CNTN6: variants seen among roughly 807,000 people sequenced by gnomAD.
CNTN6 encodes contactin 6.
A neutral mutation model predicts 122.8 loss-of-function variants in CNTN6; 137 were observed. That is an observed-to-expected ratio of 1.12 (90% confidence interval 0.97 to 1.29). The LOEUF is 1.29. Ranked by LOEUF, CNTN6 falls within the 50% of genes most tolerant of loss-of-function variation. The probability of loss-of-function intolerance (pLI) is 0.00; values close to 1 mark genes in which losing one functional copy is unlikely to be tolerated. For synonymous variants in CNTN6, 570 were observed against 426.0 expected (o/e 1.34, Z -4.16); for missense variants, 1,634 against 1,223.4 (o/e 1.34, Z -5.01).
intron 7 of CNTN6, among the ~76,000 whole-genome samples, chr3:1,299,806 G>A (rs1018691817): frequency 1.3e-5 from 2 of 152,130 alleles, no homozygotes; most frequent in Admixed American, 6.6e-5. Context: ...GTTAGCAAAC[G>A]TGCTTATAAT....
chr3:1,377,056 A>G lies in CNTN6; in HGVS notation c.2147A>G (p.Glu716Gly). 1 of 1,601,668 alleles carries G rather than the reference A, an allele frequency of 6.2e-7. No individual in the cohort carries two copies. Among genetic ancestry groups the G allele is most frequent in the Non-Finnish European group, 8.5e-7 (1 of 1,173,366 alleles). Residue 716 changes from glutamate to glycine, a missense_variant, in exon 17 of 23, where the codon GAA becomes GGA. Coordinates refer to ENST00000446702, the MANE Select transcript of CNTN6 (RefSeq NM_001289080.2). The part of the protein sequence containing the change: ...NIHGGGGSRS[E>G]LVITWESIPE... ...CATGGAGGTGGAGGAAGTCGGTCTG[A>G]ACTCGTCATTACGTGGGAGGTAATT... is the stretch of plus-strand genomic sequence containing the variant.
At chr3:1,232,890 T>TA (rs2094370663) in intron 4 of CNTN6, among the ~76,000 whole-genome samples, 1 of 152,048 alleles carries the variant, frequency 6.6e-6, no homozygotes, top group Non-Finnish European at 1.5e-5. Flanking sequence ...GAGAAAGTGG[T>TA]AGAGAAAGTA....
intron 2 of CNTN6, among the ~76,000 whole-genome samples, chr3:1,170,733 T>C (rs1249896888): frequency 2.0e-5 from 3 of 152,174 alleles, no homozygotes; most frequent in Non-Finnish European, 4.4e-5. Flanking sequence ...CCTTGTTTCT[T>C]CCTTATAAAC....
chr3:1,357,836 T>G (rs1464867649), intron 12 of CNTN6, among the ~76,000 whole-genome samples: 1 of 151,420 alleles, frequency 6.6e-6, no homozygotes, highest in Non-Finnish European at 1.5e-5. Flanking sequence ...TTTTATTATA[T>G]GTAAATTTTA....
chr3:1,294,803 C>T (rs189198707), intron 5 of CNTN6, among the ~76,000 whole-genome samples: 209 of 152,290 alleles, frequency 1.4e-3, no homozygotes, highest in African/African-American at 4.4e-3. Context: ...CTTCTCTGGG[C>T]TCCCTATAAT....
chr3:1,144,454 A>C (rs1281712173), intron 1 of CNTN6, among the ~76,000 whole-genome samples: 1 of 151,958 alleles, frequency 6.6e-6, no homozygotes, highest in African/African-American at 2.4e-5. Flanking sequence ...GTGTGCCTGT[A>C]AGCCCAGCTA....
chr3:1,148,417 T>A (rs1484794689), intron 2 of CNTN6, among the ~76,000 whole-genome samples: 1 of 151,762 alleles, frequency 6.6e-6, no homozygotes, highest in Non-Finnish European at 1.5e-5. Context: ...TTATTCTTAT[T>A]TTCATTATAG....
intron 1 of CNTN6, among the ~76,000 whole-genome samples, chr3:1,144,300 G>A (rs965235498): frequency 6.6e-6 from 1 of 152,114 alleles, no homozygotes; most frequent in Non-Finnish European, 1.5e-5. Flanking sequence ...AGGGGACTGG[G>A]CACTGTGGCT....
intron 4 of CNTN6, among the ~76,000 whole-genome samples, chr3:1,256,866 C>T (rs998745745): frequency 3.9e-5 from 6 of 152,072 alleles, no homozygotes; most frequent in Admixed American, 1.3e-4. Context: ...CTTCTTTACT[C>T]ATTTGCCAAT....
intron 2 of CNTN6, among the ~76,000 whole-genome samples, chr3:1,198,545 A>T (rs1231987859): frequency 6.6e-6 from 1 of 152,114 alleles, no homozygotes; most frequent in Non-Finnish European, 1.5e-5. Flanking sequence ...CAACATGGTG[A>T]AACCCGATCT....
intron 11 of CNTN6, among the ~76,000 whole-genome samples, chr3:1,348,068 G>A (rs957051897): frequency 6.8e-6 from 1 of 147,588 alleles, no homozygotes; most frequent in African/African-American, 2.5e-5. Context: ...AATGGAGTCC[G>A]GTACAGTGCT....
chr3:1,345,481 T>C (rs1221922223), intron 11 of CNTN6, among the ~76,000 whole-genome samples: 2 of 152,296 alleles, frequency 1.3e-5, no homozygotes, highest in East Asian at 3.9e-4. Context: ...TATTTTGATT[T>C]AAATGAGCAA....
At chr3:1,238,318 A>C (rs1263959499) in intron 4 of CNTN6, among the ~76,000 whole-genome samples, 1 of 152,204 alleles carries the variant, frequency 6.6e-6, no homozygotes, top group Non-Finnish European at 1.5e-5. Context: ...CATACTTCAA[A>C]GCAACAGCAG....
intron 7 of CNTN6, among the ~76,000 whole-genome samples, chr3:1,320,483 CA>C (rs576480809): frequency 2.0e-3 from 309 of 151,806 alleles, no homozygotes; most frequent in South Asian, 4.1e-3. Context: ...AAGCACTTTG[CA>C]TGTAGTTGGA....
At chr3:1,182,486 G>A (rs1382621668) in intron 2 of CNTN6, among the ~76,000 whole-genome samples, 5 of 152,084 alleles carry the variant, frequency 3.3e-5, no homozygotes, top group African/African-American at 1.2e-4. Flanking sequence ...ATCATCCTAG[G>A]AAAGGATGAC....
intron 12 of CNTN6, among the ~76,000 whole-genome samples, chr3:1,364,080 A>T (rs1707863374): frequency 6.6e-6 from 1 of 151,892 alleles, no homozygotes; most frequent in Admixed American, 6.6e-5. Context: ...TATTTAATTC[A>T]GTTTCTACAG....
At chr3:1,184,953 G>A (rs367865758) in intron 2 of CNTN6, among the ~76,000 whole-genome samples, 17 of 152,154 alleles carry the variant, frequency 1.1e-4, no homozygotes, top group African/African-American at 3.6e-4. Context: ...ACAGCATTAG[G>A]AACAAGCTGT....
At chr3:1,102,873 C>G (rs1444737899) in intron 1 of CNTN6, among the ~76,000 whole-genome samples, 13 of 150,924 alleles carry the variant, frequency 8.6e-5, no homozygotes, top group Non-Finnish European at 1.5e-5. Context: ...TTTTGGAGGC[C>G]GAGGCGGGCG....
chr3:1,375,826 A>G (rs1175351354), intron 16 of CNTN6, among the ~76,000 whole-genome samples: 1 of 152,126 alleles, frequency 6.6e-6, no homozygotes, highest in African/African-American at 2.4e-5. Flanking sequence ...TGCAATTTTG[A>G]AAAAGAACAA....
Sources: allele counts gnomAD v4.1 joint callset (sites outside exome capture counted in the v4.1 genomes callset), GRCh38; gene constraint gnomAD v4.1.1; transcripts MANE v1.5; gene names NCBI Gene and HGNC (gene_info 2026-07-23, HGNC 2026-07-21).